Variants in PIEZO2 observed in about 807,000 individuals in gnomAD.
PIEZO2 encodes the protein piezo-type mechanosensitive ion channel component 2.
PIEZO2 carries 172 observed loss-of-function variants against 337.3 expected under a neutral mutation model. The observed-to-expected ratio is 0.51, with a 90% CI of 0.45 to 0.58. The LOEUF (loss-of-function observed/expected upper bound fraction) is 0.58, where lower values mean the gene tolerates loss of function less well. PIEZO2 is among the 20% of genes least tolerant of loss of function. The pLI is 0.00. For missense variants in PIEZO2, 3,028 were observed against 3,391.3 expected (o/e 0.89, Z 2.66); for synonymous variants, 1,251 against 1,228.5 (o/e 1.02, Z -0.38).
rs2040254671 is a variant in PIEZO2, at chr18:10,813,248, G to T, written c.918-5974C>A. On this transcript the variant is annotated intron_variant, in intron 7 of 55. Transcript: ENST00000674853. This position sits in a 1 kb window ranked among gnomAD's most constrained non-coding sequence, Gnocchi z 4.2. ...CCCGCCTGGGCCTCCCAAAGTGCTG[G>T]CATTACAGGAGTGAGCCACCGCGCC... Among the ~76,000 whole-genome samples the T allele has an allele frequency of 1.3e-5, 2 of 152,156 alleles. No individual in the cohort carries two copies. Among genetic ancestry groups the T allele is most frequent in the African/African-American group, 4.8e-5 (2 of 41,432 alleles).
Position 10,702,263 on chromosome 18 carries a change from G to C in PIEZO2, c.6259-92C>G, listed in dbSNP as rs564255873. ...AAAGAGCAATATAACAATTAAGAAA[G>C]AGACCCGCATTTCACAGTTTTGATG... On this transcript the variant is annotated intron_variant, in intron 42 of 55. Coordinates refer to ENST00000674853, the MANE Select transcript of PIEZO2 (RefSeq NM_001378183.1). 2.9e-3 allele frequency: 3,590 copies of C among 1,244,278 alleles called. 8 individuals are homozygous for C. Among genetic ancestry groups the C allele is most frequent in the Non-Finnish European group, 3.6e-3 (3,290 of 918,566 alleles). 77.1% of individuals were successfully genotyped at this position (1,244,278 alleles called of 1,614,324 possible).
At chr18:11,067,995 C>T (rs151076655) in intron 1 of PIEZO2, among the ~76,000 whole-genome samples, 25 of 152,332 alleles carry the variant, frequency 1.6e-4, no homozygotes, top group African/African-American at 5.8e-4. Flanking sequence ...GATCTCAGCT[C>T]ACTGCAAGCT....
Position 10,979,614 on chromosome 18 carries a change from G to A in PIEZO2, c.207C>T (p.Ser69=). 3 of 1,536,056 alleles carry A rather than the reference G, an allele frequency of 2.0e-6. No individual in the cohort carries two copies. The highest frequency in any genetic ancestry group is 2.6e-6 in the Non-Finnish European group (3 of 1,146,060). ...GGAAAATGATGTGCAGCAACAGGAA[G>A]GAAAGACTGATGAAGCACAGAGACT... ...LLKSLCFISL[S]FLLLHIIFHI... is the part of the protein sequence containing the mutation. Residue 69 remains serine, a synonymous_variant, in exon 3 of 56, where the codon TCC becomes TCT. Transcript: ENST00000674853. The surrounding 1 kb of genome is among the most constrained non-coding windows in gnomAD (Gnocchi z 4.0).
rs1232210448 is a variant in PIEZO2 at position 11,148,153 on chromosome 18, G to A, written c.64+372C>T. Among the ~76,000 whole-genome samples, 2 of 152,148 alleles carry A rather than the reference G, an allele frequency of 1.3e-5. No individual in the cohort carries two copies. The highest frequency in any genetic ancestry group is 4.8e-5 in the African/African-American group (2 of 41,438). ...CATGCTGTGCTTGCAGGGTCACTGG[G>A]GCGAGGGGCTCAGGTAGGAGCCTGA... On this transcript the variant is annotated intron_variant, in intron 1 of 55. Coordinates refer to ENST00000674853, the MANE Select transcript of PIEZO2 (RefSeq NM_001378183.1). This position sits in a 1 kb window ranked among gnomAD's most constrained non-coding sequence, Gnocchi z 5.2.
rs1480019787 is a variant in PIEZO2 at position 10,847,910 on chromosome 18, G to T, written c.917+7443C>A. Among the ~76,000 whole-genome samples the T allele has an allele frequency of 1.3e-5, 2 of 152,192 alleles. No individual in the cohort carries two copies. Among genetic ancestry groups the T allele is most frequent in the African/African-American group, 4.8e-5 (2 of 41,446 alleles). On this transcript the variant is annotated intron_variant, in intron 7 of 55. Transcript: ENST00000674853. This position sits in a 1 kb window ranked among gnomAD's most constrained non-coding sequence, Gnocchi z 5.7. ...GAAGGGAAAGTGGTAGCTTGGTTGG[G>T]TTCATTTGCATTCCTTAGCATTATA...
chr18:11,006,688 T>C (rs1460150000), intron 2 of PIEZO2, among the ~76,000 whole-genome samples: 1 of 152,090 alleles, frequency 6.6e-6, no homozygotes, highest in East Asian at 1.9e-4. Context: ...TTTCCTTTCT[T>C]TCCTCCTCCC....
At chr18:11,049,891 G>A (rs2037462458) in intron 2 of PIEZO2, among the ~76,000 whole-genome samples, 1 of 152,140 alleles carries the variant, frequency 6.6e-6, no homozygotes, top group Non-Finnish European at 1.5e-5. Context: ...TGAAAACGGA[G>A]TAATACAAAA....
intron 36 of PIEZO2, among the ~76,000 whole-genome samples, chr18:10,729,635 AAAAAG>A (rs1188671487): frequency 2.2e-4 from 34 of 151,536 alleles, no homozygotes; most frequent in Middle Eastern, 3.4e-3. Flanking sequence ...AAAAAAAAAA[AAAAAG>A]AAAAGAAACA....
At chr18:10,782,392 T>C (rs1568051335) in intron 17 of PIEZO2, among the ~76,000 whole-genome samples, 1 of 86,934 alleles carries the variant, frequency 1.2e-5, no homozygotes, top group Non-Finnish European at 2.2e-5. Context: ...TATAATTATA[T>C]ATAAATAATT....
At chr18:11,072,613 A>G (rs759471014) in intron 1 of PIEZO2, among the ~76,000 whole-genome samples, 2 of 152,226 alleles carry the variant, frequency 1.3e-5, no homozygotes, top group Non-Finnish European at 2.9e-5. Context: ...TTTCACGTCA[A>G]TTAACTCTTG....
At chr18:10,725,255 G>C (rs1427363455) in intron 36 of PIEZO2, 16 of 1,565,412 alleles carry the variant, frequency 1.0e-5, no homozygotes, top group Non-Finnish European at 1.4e-5. Flanking sequence ...GCCACCGGCA[G>C]GCAGCTGCTC....
intron 1 of PIEZO2, among the ~76,000 whole-genome samples, chr18:11,145,919 G>T (rs2040798614): frequency 6.6e-6 from 1 of 152,152 alleles, no homozygotes; most frequent in African/African-American, 2.4e-5. Context: ...GCTTTCTCCT[G>T]GATGAGGCTT....
intron 7 of PIEZO2, among the ~76,000 whole-genome samples, chr18:10,840,865 C>T (rs144266417): frequency 1.1e-3 from 160 of 152,256 alleles, no homozygotes; most frequent in African/African-American, 3.7e-3. Flanking sequence ...ATTCCTCTTG[C>T]CCAGTGAATT....
At position 11,047,370 on chromosome 18, in the gene PIEZO2, G is replaced by A. The variant is rs550987913; in HGVS notation, c.160+18757C>T. Among the ~76,000 whole-genome samples the A allele has an allele frequency of 2.6e-5, 4 of 152,282 alleles. No individual in the cohort carries two copies. Among genetic ancestry groups the A allele is most frequent in the East Asian group, 3.9e-4 (2 of 5,182 alleles). On this transcript the variant is annotated intron_variant, in intron 2 of 55. Coordinates refer to ENST00000674853, the MANE Select transcript of PIEZO2 (RefSeq NM_001378183.1). The surrounding 1 kb of genome is among the most constrained non-coding windows in gnomAD (Gnocchi z 7.2). Reference sequence around the variant, plus strand: ...AGCAAGGTTGGAATGGAGTAGGAGCGAGGGAGCCGCGCAGTGCAGCAAAGG... The same window carrying A: ...AGCAAGGTTGGAATGGAGTAGGAGCAAGGGAGCCGCGCAGTGCAGCAAAGG...
chr18:10,797,653 T>A, intron 11 of PIEZO2, 131 bp from the exon 12 acceptor site: 1 of 1,386,832 alleles, frequency 7.2e-7, no homozygotes, highest in Non-Finnish European at 9.5e-7. Flanking sequence ...TGTTTCCCAT[T>A]CATAAAGCCC....
intron 2 of PIEZO2, among the ~76,000 whole-genome samples, chr18:11,036,773 T>C (rs1397199001): frequency 5.9e-5 from 9 of 152,182 alleles, no homozygotes; most frequent in Admixed American, 5.9e-4. Flanking sequence ...TGATATCTCC[T>C]TGATACTGAA....
In PIEZO2 at chr18:11,070,682, G is replaced by T. The variant is rs1389433297; in HGVS notation, c.65-4460C>A. ...TGCAGGCCCTCGCAGAAGGGCTTCA[G>T]CCCAGAAGGAAGGAAGGAAGTCAAC... On this transcript the variant is annotated intron_variant, in intron 1 of 55. Coordinates refer to ENST00000674853, the MANE Select transcript of PIEZO2 (RefSeq NM_001378183.1). The surrounding 1 kb of genome is among the most constrained non-coding windows in gnomAD (Gnocchi z 4.3). Among the ~76,000 whole-genome samples the T allele has an allele frequency of 1.3e-5, 2 of 152,232 alleles. No homozygotes were observed. Among genetic ancestry groups the T allele is most frequent in the African/African-American group, 4.8e-5 (2 of 41,456 alleles).
At chr18:11,122,978 TGCATA>T (rs2040071559) in intron 1 of PIEZO2, among the ~76,000 whole-genome samples, 1 of 142,466 alleles carries the variant, frequency 7.0e-6, no homozygotes, top group African/African-American at 2.5e-5. Flanking sequence ...TATATATCAA[TGCATA>T]CATATAATGT....
rs2035650889 is a variant in PIEZO2, at chr18:10,707,871, C to T, written c.5588+404G>A. On this transcript the variant is annotated intron_variant, in intron 40 of 55. Coordinates refer to ENST00000674853, the MANE Select transcript of PIEZO2 (RefSeq NM_001378183.1). This position sits in a 1 kb window ranked among gnomAD's most constrained non-coding sequence, Gnocchi z 4.2. ...TTTTAGATTTTTTTCCTACTGCATG[C>T]ATCTTTTGATTACATCAAGAGAAGA... Among the ~76,000 whole-genome samples, 1 of 152,128 alleles carries T rather than the reference C, an allele frequency of 6.6e-6. No individual in the cohort carries two copies. The highest frequency in any genetic ancestry group is 6.5e-5 in the Admixed American group (1 of 15,272).
Sources: allele counts gnomAD v4.1 joint callset (sites outside exome capture counted in the v4.1 genomes callset), GRCh38; gene constraint gnomAD v4.1.1; non-coding constraint Gnocchi (gnomAD v3.1); transcripts MANE v1.5; gene names NCBI Gene and HGNC (gene_info 2026-07-23, HGNC 2026-07-21).